Variants in ROBO2 observed in about 807,000 individuals in gnomAD.
The protein encoded by ROBO2 is roundabout guidance receptor 2.
ROBO2 carries 53 observed loss-of-function variants against 160.8 expected under a neutral mutation model. The ratio of observed to expected loss-of-function variants is 0.33; its 90% CI spans 0.26 to 0.41. The LOEUF (loss-of-function observed/expected upper bound fraction) is 0.41. ROBO2 is among the 10% of genes least tolerant of loss of function. The pLI, the probability that ROBO2 is intolerant of heterozygous loss-of-function variation, is 1.00. For synonymous variants in ROBO2, 664 were observed against 611.7 expected, an observed-to-expected ratio of 1.09 and a Z score of -1.26; for missense variants, 1,577 against 1,722.4, an observed-to-expected ratio of 0.92 and a Z score of 1.49.
intron 2 of ROBO2, among the ~76,000 whole-genome samples, chr3:75,980,354 A>T (rs1196556862): frequency 1.3e-5 from 2 of 151,534 alleles, no homozygotes; most frequent in Non-Finnish European, 3.0e-5. Context: ...TTATTCCATT[A>T]ATCTTCTATA....
intron 2 of ROBO2, among the ~76,000 whole-genome samples, chr3:76,704,771 G>A (rs2093124504): frequency 6.6e-6 from 1 of 152,044 alleles, no homozygotes; most frequent in African/African-American, 2.4e-5. Context: ...GCAGAAAGGT[G>A]CCAAAAATTA....
intron 2 of ROBO2, among the ~76,000 whole-genome samples, chr3:77,196,895 A>G (rs2082356263): frequency 6.6e-6 from 1 of 152,042 alleles, no homozygotes; most frequent in Admixed American, 6.6e-5. Context: ...TATTGAGCCT[A>G]ATATATCAAA....
intron 2 of ROBO2, among the ~76,000 whole-genome samples, chr3:77,150,201 A>G (rs1378169273): frequency 5.3e-5 from 8 of 152,212 alleles, no homozygotes; most frequent in Non-Finnish European, 1.0e-4. Context: ...AAATTAATTC[A>G]AGACGGCAGA....
chr3:76,340,047 A>G (rs2074124587), intron 2 of ROBO2, among the ~76,000 whole-genome samples: 1 of 151,228 alleles, frequency 6.6e-6, no homozygotes, highest in South Asian at 2.1e-4. Flanking sequence ...TATTGCATAA[A>G]CTACTAGCTA....
chr3:76,775,210 T>C lies in ROBO2; in HGVS notation c.110-322804T>C, dbSNP rs540958990. Among the ~76,000 whole-genome samples the C allele has an allele frequency of 2.0e-5, 3 of 150,824 alleles. No individual in the cohort carries two copies. In the East Asian group the frequency reaches 5.9e-4, roughly 30 times the overall value. On this transcript the variant is annotated intron_variant, in intron 2 of 26. Coordinates refer to the ROBO2 transcript ENST00000487694. ...GATACCTAACTGCTTAACCCCTACA[T>C]ACAGGAAAACAGAAATGTTTTTACT...
chr3:76,032,455 T>A (rs2066956408), intron 2 of ROBO2, among the ~76,000 whole-genome samples: 1 of 152,218 alleles, frequency 6.6e-6, no homozygotes, highest in Non-Finnish European at 1.5e-5. Flanking sequence ...TGTTAGGGTG[T>A]CAATTTTAGA....
At chr3:77,191,959 A>G (rs1261732699) in intron 2 of ROBO2, among the ~76,000 whole-genome samples, 2 of 152,214 alleles carry the variant, frequency 1.3e-5, no homozygotes, top group Non-Finnish European at 2.9e-5. Flanking sequence ...ATGATTGTAG[A>G]TAGTACACAG....
At chr3:76,933,493 A>G (rs2077486397) in intron 2 of ROBO2, among the ~76,000 whole-genome samples, 2 of 152,220 alleles carry the variant, frequency 1.3e-5, no homozygotes. Flanking sequence ...AAAATGACAC[A>G]TACCATTCAA....
At chr3:76,271,236 G>A (rs1487976753) in intron 2 of ROBO2, among the ~76,000 whole-genome samples, 1 of 151,950 alleles carries the variant, frequency 6.6e-6, no homozygotes, top group Non-Finnish European at 1.5e-5. Flanking sequence ...ACTGCAAAAA[G>A]TATATTTAAA....
intron 2 of ROBO2, among the ~76,000 whole-genome samples, chr3:75,954,899 A>G (rs1211014215): frequency 6.6e-6 from 1 of 152,046 alleles, no homozygotes; most frequent in East Asian, 1.9e-4. Flanking sequence ...ATAATGAAAT[A>G]CATGACTTTT....
intron 21 of ROBO2, among the ~76,000 whole-genome samples, chr3:77,614,816 A>G (rs1056749926): frequency 6.6e-6 from 1 of 151,984 alleles, no homozygotes; most frequent in African/African-American, 2.4e-5. Flanking sequence ...AAAATTTCAA[A>G]CTCCTTGTAG....
intron 2 of ROBO2, among the ~76,000 whole-genome samples, chr3:76,184,259 G>C (rs1239289927): frequency 6.6e-6 from 1 of 151,948 alleles, no homozygotes; most frequent in Non-Finnish European, 1.5e-5. Flanking sequence ...TGACTTCTAG[G>C]GTACCACAGG....
chr3:76,514,637 T>C (rs993746175), intron 2 of ROBO2, among the ~76,000 whole-genome samples: 6 of 152,192 alleles, frequency 3.9e-5, no homozygotes, highest in Non-Finnish European at 7.3e-5. Context: ...CCTTTGGAGT[T>C]CCATTTAATC....
intron 2 of ROBO2, among the ~76,000 whole-genome samples, chr3:76,693,264 G>GTT (rs2092848764): frequency 9.5e-6 from 1 of 105,100 alleles, no homozygotes; most frequent in Admixed American, 9.6e-5. Context: ...ATACATACAT[G>GTT]TCTCTCTCTC....
intron 2 of ROBO2, among the ~76,000 whole-genome samples, chr3:76,823,039 G>T (rs1041913615): frequency 2.6e-5 from 4 of 152,024 alleles, no homozygotes; most frequent in Admixed American, 6.6e-5. Context: ...TATTTTCTCT[G>T]TGCCTGTCTT....
chr3:76,266,073 T>A (rs1576171161), intron 2 of ROBO2, among the ~76,000 whole-genome samples: 2 of 152,324 alleles, frequency 1.3e-5, no homozygotes, highest in East Asian at 3.9e-4. Context: ...CAGAAGGATG[T>A]TGAATTTTGT....
intron 16 of ROBO2, 33 bp downstream of exon 17, chr3:77,580,151 A>C: frequency 6.2e-7 from 1 of 1,607,498 alleles, no homozygotes; most frequent in South Asian, 1.1e-5. Context: ...TGTGCTTTAG[A>C]ATCAGTCAGC....
intron 2 of ROBO2, among the ~76,000 whole-genome samples, chr3:76,953,674 T>C (rs553157266): frequency 1.3e-5 from 2 of 152,320 alleles, no homozygotes. Context: ...AAGTACAGGA[T>C]ATACCAAGCA....
At chr3:76,100,305 T>C (rs2069632650) in intron 2 of ROBO2, among the ~76,000 whole-genome samples, 1 of 152,218 alleles carries the variant, frequency 6.6e-6, no homozygotes, top group Non-Finnish European at 1.5e-5. Flanking sequence ...TATCTTTTGC[T>C]GTTTATAAAT....
Sources: gnomAD v4.1 joint callset for allele counts (sites outside exome capture counted in the v4.1 genomes callset) on GRCh38, gnomAD v4.1.1 for gene constraint, MANE v1.5 for transcripts, NCBI Gene and HGNC (gene_info 2026-07-23, HGNC 2026-07-21) for gene names.